Variants in DNAJC3 observed in about 807,000 individuals in gnomAD.
DNAJC3 encodes dnaJ homolog subfamily C member 3.
DNAJC3 carries 38 observed loss-of-function variants against 68.6 expected under a neutral mutation model. That is an observed-to-expected ratio of 0.55 (90% CI 0.43 to 0.73). The LOEUF is 0.73. DNAJC3 is among the 30% of genes least tolerant of loss of function. The pLI is 0.00. For missense variants in DNAJC3, 526 were observed against 591.9 expected (o/e 0.89, Z 1.16); for synonymous variants, 203 against 204.0 (o/e 1.00, Z 0.04).
At chr13:95,725,276 C>A in intron 4 of DNAJC3, 24 bp downstream of exon 4, 1 of 1,522,774 alleles carries the variant, frequency 6.6e-7, no homozygotes, top group Admixed American at 2.2e-5. Context: ...GTATTTGACT[C>A]TAGGAAGATG....
chr13:95,736,347 A>G (rs1250721174), intron 4 of DNAJC3, among the ~76,000 whole-genome samples: 6 of 150,762 alleles, frequency 4.0e-5, no homozygotes, highest in Non-Finnish European at 5.9e-5. Flanking sequence ...AGTTTTTTCC[A>G]ATTCTGTGAA....
intron 4 of DNAJC3, among the ~76,000 whole-genome samples, chr13:95,727,920 G>T (rs73550591): frequency 0.017 from 2,594 of 152,102 alleles, 79 homozygotes; most frequent in African/African-American, 0.06. Flanking sequence ...TGGCCCCCTA[G>T]TCATACTTTC....
At chr13:95,685,654 T>C (rs1880054722) in intron 1 of DNAJC3, among the ~76,000 whole-genome samples, 1 of 152,126 alleles carries the variant, frequency 6.6e-6, no homozygotes, top group South Asian at 2.1e-4. Flanking sequence ...TTGTAATCCC[T>C]AATGTTGGAG....
rs982717406 is a variant in DNAJC3, at chr13:95,722,687, G to A, written c.194-555G>A. ...CAGCTTCTCAGAAGGCTGAGGTGGC[G>A]AATACGCCTGTTGTCCCAGCTTCTC... On this transcript the variant is annotated intron_variant, in intron 2 of 11. Coordinates refer to ENST00000602402, the MANE Select transcript of DNAJC3 (RefSeq NM_006260.5). 2.4e-4 allele frequency among the ~76,000 whole-genome samples: 37 copies of A among 151,320 alleles called. 1 individual carries two copies. The highest frequency in any genetic ancestry group is 5.0e-4 in the Non-Finnish European group (34 of 67,784).
At position 95,758,613 on chromosome 13, in the gene DNAJC3, G is replaced by A. The variant is rs1269832700; in HGVS notation, c.546+817G>A. On this transcript the variant is annotated intron_variant, in intron 5 of 11. Transcript: ENST00000602402. ...AGCCTGGGCCACAGAGTGAGACTCC[G>A]TCTCAAAAAAAAAAAAAAAAGTTAA... Among the ~76,000 whole-genome samples, 5 of 87,780 alleles carry A rather than the reference G, an allele frequency of 5.7e-5. No homozygotes were observed. The South Asian group carries it at 1.6e-3, about 28-fold the overall frequency. 57.6% of individuals were successfully genotyped at this position (87,780 alleles called of 152,430 possible).
At chr13:95,775,546 C>G (rs138075702) in intron 9 of DNAJC3, among the ~76,000 whole-genome samples, 1 of 152,172 alleles carries the variant, frequency 6.6e-6, no homozygotes, top group Non-Finnish European at 1.5e-5. Context: ...CGATTGTATA[C>G]TACTGATAAT....
intron 2 of DNAJC3, among the ~76,000 whole-genome samples, chr13:95,715,264 A>G (rs1412221545): frequency 1.3e-5 from 2 of 152,244 alleles, no homozygotes; most frequent in African/African-American, 2.4e-5. Flanking sequence ...TTAGCCAGGC[A>G]TGGCAGTGCC....
chr13:95,735,074 T>A (rs370466492), intron 4 of DNAJC3, among the ~76,000 whole-genome samples: 1 of 151,150 alleles, frequency 6.6e-6, no homozygotes, highest in African/African-American at 2.4e-5. Context: ...TGCAGTGTTT[T>A]GTTTTTTGTT....
intron 1 of DNAJC3, among the ~76,000 whole-genome samples, chr13:95,698,201 A>G (rs1433775726): frequency 6.6e-6 from 1 of 151,372 alleles, no homozygotes; most frequent in Non-Finnish European, 1.5e-5. Context: ...TTTTGTTGGC[A>G]GGTTTTATAT....
At chr13:95,723,422 A>C (rs1364753481) in intron 3 of DNAJC3, 56 bp downstream of exon 3, 4 of 1,571,008 alleles carry the variant, frequency 2.5e-6, no homozygotes, top group Admixed American at 1.7e-5. Context: ...GGGGAGAGAT[A>C]ATTTGTTTCA....
intron 4 of DNAJC3, among the ~76,000 whole-genome samples, chr13:95,754,135 T>G (rs1481719618): frequency 2.6e-5 from 4 of 152,228 alleles, no homozygotes; most frequent in Non-Finnish European, 2.9e-5. Flanking sequence ...GTCTGCTGCT[T>G]ACTGCAGGGT....
At chr13:95,778,313 T>C (rs17878975) in intron 9 of DNAJC3, among the ~76,000 whole-genome samples, 2,278 of 152,294 alleles carry the variant, frequency 0.015, 61 homozygotes, top group African/African-American at 0.052. Flanking sequence ...GTATAAAGGC[T>C]GAACACCAAA....
At chr13:95,730,465 C>G (rs180695792) in intron 4 of DNAJC3, among the ~76,000 whole-genome samples, 1 of 152,004 alleles carries the variant, frequency 6.6e-6, no homozygotes, top group Non-Finnish European at 1.5e-5. Context: ...GTCTTTAAGG[C>G]GTTTGTGTTG....
chr13:95,706,542 A>T (rs1354144161), intron 1 of DNAJC3, among the ~76,000 whole-genome samples: 2 of 152,174 alleles, frequency 1.3e-5, no homozygotes, highest in African/African-American at 4.8e-5. Context: ...TCAAAATTTG[A>T]CATGGGTTAG....
intron 4 of DNAJC3, chr13:95,744,995 C>G (rs537451313): frequency 6.6e-6 from 1 of 152,278 alleles, no homozygotes; most frequent in Non-Finnish European, 1.5e-5. Context: ...TTTTGCGGTA[C>G]AGTCTGGCAT....
At chr13:95,705,590 C>G (rs1362550020) in intron 1 of DNAJC3, among the ~76,000 whole-genome samples, 1 of 151,346 alleles carries the variant, frequency 6.6e-6, no homozygotes, top group Non-Finnish European at 1.5e-5. Flanking sequence ...TATAGTGGCA[C>G]GATCATAGCT....
At chr13:95,711,694 C>T (rs1880972936) in intron 2 of DNAJC3, among the ~76,000 whole-genome samples, 1 of 152,072 alleles carries the variant, frequency 6.6e-6, no homozygotes, top group Non-Finnish European at 1.5e-5. Context: ...AGCCTAATAA[C>T]ATAGCCTCTA....
chr13:95,790,868 T>G lies in DNAJC3; in HGVS notation c.1358-5T>G. The G allele has an allele frequency of 6.2e-7, 1 of 1,607,516 alleles. No homozygotes were observed. Among genetic ancestry groups the G allele is most frequent in the Non-Finnish European group, 8.5e-7 (1 of 1,178,592 alleles). ...CTGGTTCTTAATTTTCTGATTTCTT[T>G]CTAGAAATGAGAAAGAAGTTTGACG... On this transcript the variant is annotated splice_polypyrimidine_tract_variant and splice_region_variant and intron_variant, in intron 11 of 11. Transcript: ENST00000602402.
intron 9 of DNAJC3, among the ~76,000 whole-genome samples, chr13:95,782,622 A>G (rs1355582228): frequency 6.6e-6 from 1 of 152,146 alleles, no homozygotes; most frequent in Non-Finnish European, 1.5e-5. Context: ...GTGTCTGTTC[A>G]TATCCTTCGC....
Sources: allele counts gnomAD v4.1 joint callset (sites outside exome capture counted in the v4.1 genomes callset), GRCh38; gene constraint gnomAD v4.1.1; transcripts MANE v1.5; gene names NCBI Gene and HGNC (gene_info 2026-07-23, HGNC 2026-07-21).